Variants in TDO2 observed in about 807,000 individuals in gnomAD.
TDO2 encodes the protein tryptamin 2,3-dioxygenase.
TDO2 carries 63 observed loss-of-function variants against 61.2 expected under a neutral mutation model. That is an observed-to-expected ratio of 1.03 (90% confidence interval 0.84 to 1.27). The LOEUF (loss-of-function observed/expected upper bound fraction) is 1.27. Among genes scored for constraint, TDO2 ranks in the 50% most tolerant of loss-of-function variants. The probability of loss-of-function intolerance (pLI) is 0.00; values close to 1 mark genes in which losing one functional copy is unlikely to be tolerated. For missense variants in TDO2, 494 were observed against 469.5 expected (o/e 1.05, Z -0.48); for synonymous variants, 183 against 164.0 (o/e 1.12, Z -0.89).
intron 3 of TDO2, chr4:155,905,534 C>G: frequency 6.0e-6 from 1 of 165,428 alleles, no homozygotes; most frequent in Non-Finnish European, 1.3e-5. Context: ...CTATACAAAT[C>G]TAGTAATAAA....
chr4:155,919,520 G>A (rs902017055), intron 11 of TDO2, among the ~76,000 whole-genome samples: 3 of 152,048 alleles, frequency 2.0e-5, no homozygotes, highest in Admixed American at 2.0e-4. Context: ...GCATCCTTCA[G>A]AAGTAGGAAA....
intron 4 of TDO2, among the ~76,000 whole-genome samples, chr4:155,908,136 G>A (rs753128922): frequency 2.0e-5 from 3 of 152,066 alleles, no homozygotes; most frequent in African/African-American, 4.8e-5. Flanking sequence ...TTAGCTGCAG[G>A]AAGATGGGAG....
At chr4:155,908,795 G>C in intron 4 of TDO2, 92 bp from the exon 5 acceptor site, 1 of 1,444,406 alleles carries the variant, frequency 6.9e-7, no homozygotes, top group Non-Finnish European at 9.2e-7. Context: ...CCAAATTAGA[G>C]ACAAAATTAA....
chr4:155,905,007 TA>T, intron 2 of TDO2, 59 bp from the exon 3 acceptor site: 1 of 1,186,744 alleles, frequency 8.4e-7, no homozygotes. Flanking sequence ...TACTTCTTAC[TA>T]AAGTTCATAA....
Position 155,910,022 on chromosome 4 carries a change from A to G in TDO2, c.432-3A>G, listed in dbSNP as rs367756583. The stretch of plus-strand genomic sequence containing the variant: ...CCTTTCCTTCCACCATTTAATCTCA[A>G]AGAGAGTACTTATCTCCAGCATCAG... On this transcript the variant is annotated splice_region_variant and splice_polypyrimidine_tract_variant and intron_variant, in intron 5 of 11. Coordinates refer to ENST00000536354, the MANE Select transcript of TDO2 (RefSeq NM_005651.4). The G allele has an allele frequency of 4.6e-6, 7 of 1,528,752 alleles. No individual in the cohort carries two copies. Among genetic ancestry groups the G allele is most frequent in the South Asian group, 1.3e-5 (1 of 78,190 alleles). 94.7% of individuals were successfully genotyped at this position (1,528,752 alleles called of 1,614,324 possible).
intron 4 of TDO2, 33 bp downstream of exon 4, chr4:155,907,825 T>A (rs747396897): frequency 6.5e-7 from 1 of 1,535,534 alleles, no homozygotes; most frequent in East Asian, 2.3e-5. Flanking sequence ...TGGTTTCATG[T>A]ATATTTTTGG....
chr4:155,916,526 C>T (rs918048184), intron 9 of TDO2, among the ~76,000 whole-genome samples: 2 of 151,586 alleles, frequency 1.3e-5, no homozygotes, highest in Non-Finnish European at 2.9e-5. Context: ...GAAATGTGTT[C>T]TATCATTAAA....
chr4:155,913,158 A>G (rs142012012), intron 7 of TDO2, among the ~76,000 whole-genome samples: 62 of 152,244 alleles, frequency 4.1e-4, no homozygotes, highest in African/African-American at 1.3e-3. Context: ...ATTCCAATTT[A>G]GTCTCCACAT....
At chr4:155,907,536 A>G (rs530013808) in intron 3 of TDO2, 186 bp from the exon 4 acceptor site, 43 of 544,024 alleles carry the variant, frequency 7.9e-5, no homozygotes, top group Non-Finnish European at 1.3e-4. Context: ...AACATTTAAT[A>G]AAAGGAGGCT....
At chr4:155,909,097 G>T in intron 5 of TDO2, 83 bp downstream of exon 5, 1 of 1,381,748 alleles carries the variant, frequency 7.2e-7, no homozygotes, top group Non-Finnish European at 9.5e-7. Flanking sequence ...TGTGTGTTTT[G>T]TGCCATGAGG....
rs374991561 is a variant in TDO2, at chr4:155,905,145, A to G, written c.220A>G (p.Ile74Val). 48 of 1,591,512 alleles carry G rather than the reference A, an allele frequency of 3.0e-5. No homozygotes were observed. The highest frequency in any genetic ancestry group is 4.1e-5 in the Non-Finnish European group (48 of 1,169,746). The part of the protein sequence containing the change: ...NKIHDEHLFI[I>V]THQAYELWFK... ...AATCCATGATGAACATCTTTTTATC[A>G]TAACTCATCAAGGTAAGTTGCACAA... The change falls in exon 3 of 12, where the codon ATA (isoleucine) becomes GTA (valine). Residue 74 changes from isoleucine (I) to valine (V), a missense_variant. Transcript: ENST00000536354.
chr4:155,904,014 G>A lies in TDO2; in HGVS notation c.36-4G>A. ...TTTTCCCTCTTGATTTATTAAATTT[G>A]CAGATATACTTTTAAAAAACTCCCC... On this transcript the variant is annotated splice_region_variant and splice_polypyrimidine_tract_variant and intron_variant, in intron 1 of 11. Coordinates refer to ENST00000536354, the MANE Select transcript of TDO2 (RefSeq NM_005651.4). 1 of 1,611,528 alleles carries A rather than the reference G, an allele frequency of 6.2e-7. No homozygotes were observed. Among genetic ancestry groups the A allele is most frequent in the Non-Finnish European group, 8.5e-7 (1 of 1,177,966 alleles).
intron 6 of TDO2, 26 bp from the exon 7 acceptor site, chr4:155,911,471 C>T (rs771736312): frequency 1.3e-6 from 2 of 1,547,044 alleles, no homozygotes; most frequent in African/African-American, 1.4e-5. Flanking sequence ...ACCATGTACT[C>T]ACTTAAAAAA....
intron 7 of TDO2, among the ~76,000 whole-genome samples, chr4:155,911,992 C>T (rs1047971057): frequency 5.9e-5 from 9 of 152,176 alleles, no homozygotes; most frequent in African/African-American, 1.9e-4. Context: ...TGGCAGCTCT[C>T]AGACAATGTC....
intron 4 of TDO2, among the ~76,000 whole-genome samples, chr4:155,908,093 T>G (rs1742753166): frequency 6.6e-6 from 1 of 152,138 alleles, no homozygotes; most frequent in Non-Finnish European, 1.5e-5. Context: ...ATCCTTTAAT[T>G]AACAGGTACC....
chr4:155,904,557 A>T (rs536857763), intron 2 of TDO2, among the ~76,000 whole-genome samples: 1 of 152,308 alleles, frequency 6.6e-6, no homozygotes, highest in Admixed American at 6.5e-5. Context: ...ATTAACATAT[A>T]AAGAGGGATG....
intron 9 of TDO2, 50 bp downstream of exon 9, chr4:155,915,962 G>C: frequency 6.8e-7 from 1 of 1,475,734 alleles, no homozygotes; most frequent in Non-Finnish European, 9.4e-7. Context: ...GGGTGGATAT[G>C]GATAACATGT....
chr4:155,915,045 C>T (rs1457083154), intron 8 of TDO2, among the ~76,000 whole-genome samples: 1 of 152,160 alleles, frequency 6.6e-6, no homozygotes, highest in Non-Finnish European at 1.5e-5. Flanking sequence ...TCATACAAAT[C>T]TGCTTGACTG....
chr4:155,918,217 C>G lies in TDO2; in HGVS notation c.1045C>G (p.His349Asp). The G allele has an allele frequency of 2.5e-6, 4 of 1,614,094 alleles. No individual in the cohort carries two copies. Among genetic ancestry groups the G allele is most frequent in the Non-Finnish European group, 3.4e-6 (4 of 1,179,948 alleles). ...TGGCACCGGTGGTTCCTCAGGCTATCACTACCTGCGATCAACTGTGAGGTA... is the reference window on the plus strand; with the variant it reads ...TGGCACCGGTGGTTCCTCAGGCTATGACTACCTGCGATCAACTGTGAGGTA... ...KAGTGGSSGYHYLRSTVSDRY... is the reference protein window; with the variant it reads ...KAGTGGSSGYDYLRSTVSDRY... Residue 349 changes from histidine to aspartate, a missense_variant, in exon 11 of 12, where the codon CAC becomes GAC. Coordinates refer to ENST00000536354, the MANE Select transcript of TDO2 (RefSeq NM_005651.4).
Sources: allele counts gnomAD v4.1 joint callset (sites outside exome capture counted in the v4.1 genomes callset), GRCh38; gene constraint gnomAD v4.1.1; transcripts MANE v1.5; gene names NCBI Gene and HGNC (gene_info 2026-07-23, HGNC 2026-07-21).